Variants in ERBIN observed in about 807,000 individuals in gnomAD.
ERBIN encodes densin-180-like protein.
ERBIN carries 60 observed loss-of-function variants against 158.4 expected under a neutral mutation model. That is an observed-to-expected ratio of 0.38 (90% confidence interval 0.31 to 0.47). ERBIN has a LOEUF of 0.47. Ranked by LOEUF, ERBIN falls within the 20% of genes least tolerant of loss-of-function variation. ERBIN has a pLI of 0.99. For synonymous variants in ERBIN, 594 were observed against 557.2 expected, an observed-to-expected ratio of 1.07 and a Z score of -0.93; for missense variants, 1,610 against 1,648.0, an observed-to-expected ratio of 0.98 and a Z score of 0.40.
chr5:66,020,161 G>T (rs1167577351), intron 7 of ERBIN, among the ~76,000 whole-genome samples: 7 of 151,904 alleles, frequency 4.6e-5, no homozygotes, highest in African/African-American at 1.7e-4. Flanking sequence ...ATTATGAGAT[G>T]AATTGAAGAG....
At chr5:65,980,524 A>G (rs1332830004) in intron 1 of ERBIN, among the ~76,000 whole-genome samples, 1 of 152,250 alleles carries the variant, frequency 6.6e-6, no homozygotes, top group Non-Finnish European at 1.5e-5. Flanking sequence ...TAAGCCCACC[A>G]TTAAAACAGA....
chr5:66,000,180 A>G (rs1237489296), intron 4 of ERBIN, among the ~76,000 whole-genome samples: 1 of 151,880 alleles, frequency 6.6e-6, no homozygotes, highest in Non-Finnish European at 1.5e-5. Flanking sequence ...CTGAAATTGT[A>G]TGTATTGGGT....
At chr5:65,994,359 T>C (rs556545871) in intron 3 of ERBIN, among the ~76,000 whole-genome samples, 1 of 152,324 alleles carries the variant, frequency 6.6e-6, no homozygotes, top group East Asian at 1.9e-4. Flanking sequence ...TTATGTCTTA[T>C]CACACCTAAC....
rs762111603 is a variant in ERBIN at position 65,980,736 on chromosome 5, CGTAAT to C, written c.-57-7896_-57-7892del. On this transcript the variant is annotated intron_variant, in intron 1 of 25. Transcript: ENST00000284037. ...ATTACTAGCGGGAAAAAAAAAACCT[CGTAAT>C]GTGAGAAGGATCCATTCACCAAGAA... is the stretch of plus-strand genomic sequence containing the variant. Among the ~76,000 whole-genome samples, 575 of 151,874 alleles carry C rather than the reference CGTAAT, an allele frequency of 3.8e-3. 2 individuals are homozygous for C. Among genetic ancestry groups the C allele is most frequent in the African/African-American group, 0.011 (461 of 41,380 alleles).
At chr5:65,995,896 A>AT (rs1328406666) in intron 4 of ERBIN, among the ~76,000 whole-genome samples, 1 of 151,956 alleles carries the variant, frequency 6.6e-6, no homozygotes, top group African/African-American at 2.4e-5. Flanking sequence ...CCTGTTGGTG[A>AT]TTTGTGTGTG....
intron 1 of ERBIN, among the ~76,000 whole-genome samples, chr5:65,974,182 A>G (rs972034554): frequency 2.0e-5 from 3 of 151,898 alleles, no homozygotes; most frequent in African/African-American, 7.3e-5. Context: ...ACAAAAATCC[A>G]TATGTATATA....
intron 1 of ERBIN, among the ~76,000 whole-genome samples, chr5:65,930,724 C>T (rs761154284): frequency 6.6e-6 from 1 of 152,154 alleles, no homozygotes; most frequent in Non-Finnish European, 1.5e-5. Flanking sequence ...GACTTTGTAA[C>T]CCTCTCTACC....
chr5:66,066,450 AT>A (rs1166783012), intron 21 of ERBIN, among the ~76,000 whole-genome samples: 1 of 152,046 alleles, frequency 6.6e-6, no homozygotes, highest in Non-Finnish European at 1.5e-5. Flanking sequence ...GTTAGTAGTA[AT>A]AATCTATTGA....
At chr5:66,009,039 T>C (rs1753916869) in intron 4 of ERBIN, among the ~76,000 whole-genome samples, 1 of 152,198 alleles carries the variant, frequency 6.6e-6, no homozygotes, top group South Asian at 2.1e-4. Context: ...TTTTTCACAG[T>C]AATTCAAAAC....
chr5:66,049,301 T>C (rs1261927432), intron 19 of ERBIN, among the ~76,000 whole-genome samples: 5 of 152,064 alleles, frequency 3.3e-5, no homozygotes, highest in African/African-American at 1.2e-4. Context: ...AGGATATGTA[T>C]CCTTTCCCTC....
intron 21 of ERBIN, among the ~76,000 whole-genome samples, chr5:66,062,592 C>T (rs1311226835): frequency 2.6e-5 from 4 of 152,204 alleles, no homozygotes; most frequent in Admixed American, 6.5e-5. Flanking sequence ...TGAGGAGCTG[C>T]GTTCCTCTGG....
At position 66,080,935 on chromosome 5, in the gene ERBIN, A is replaced by G. The variant is rs1649005704; in HGVS notation, c.*2405A>G. ...CAAGTTTTCTTTGAAAGTATTGGAAAACTAAAATTAAATGACAAGGACTTT... is the reference window on the plus strand; with the variant it reads ...CAAGTTTTCTTTGAAAGTATTGGAAGACTAAAATTAAATGACAAGGACTTT... On this transcript the variant is annotated 3_prime_UTR_variant, in exon 26 of 26. Transcript: ENST00000284037. The G allele has an allele frequency of 6.6e-6, 1 of 152,066 alleles. No homozygotes were observed. Among genetic ancestry groups the G allele is most frequent in the Non-Finnish European group, 1.5e-5 (1 of 67,886 alleles). 9.4% of individuals were successfully genotyped at this position (152,066 alleles called of 1,614,324 possible).
In ERBIN at chr5:65,926,689, A is replaced by C. The variant is rs141690267; in HGVS notation, c.-175A>C. ...CTCTTCTTCTGTGGGAGGCCAGTCC[A>C]CATCCGCTCTCACCCGAGAGAGATA... On this transcript the variant is annotated 5_prime_UTR_variant, in exon 1 of 26. Coordinates refer to ENST00000284037, the MANE Select transcript of ERBIN (RefSeq NM_001253697.2). The C allele has an allele frequency of 0.015, 2,314 of 151,870 alleles. 28 individuals carry two copies. The highest frequency in any genetic ancestry group is 0.022 in the Non-Finnish European group (1,525 of 67,938). 9.4% of individuals were successfully genotyped at this position (151,870 alleles called of 1,614,324 possible).
intron 6 of ERBIN, among the ~76,000 whole-genome samples, chr5:66,013,967 C>T (rs185006943): frequency 1.3e-5 from 2 of 152,058 alleles, no homozygotes; most frequent in African/African-American, 4.8e-5. Context: ...TCTGTCTTCT[C>T]CCCTGGAATC....
At chr5:65,944,204 A>ATTT (rs778282107) in intron 1 of ERBIN, among the ~76,000 whole-genome samples, 1 of 81,702 alleles carries the variant, frequency 1.2e-5, no homozygotes, top group Admixed American at 1.3e-4. Flanking sequence ...TGTGTTTAGT[A>ATTT]TTTTTTTTTT....
chr5:65,936,513 A>G (rs1355631478), intron 1 of ERBIN, among the ~76,000 whole-genome samples: 1 of 152,172 alleles, frequency 6.6e-6, no homozygotes, highest in African/African-American at 2.4e-5. Context: ...GATACCTGGT[A>G]TCAACAGAGG....
intron 1 of ERBIN, chr5:65,984,698 A>G (rs1751028560): frequency 6.6e-6 from 1 of 152,392 alleles, no homozygotes; most frequent in South Asian, 2.1e-4. Flanking sequence ...CAGTAAGTCC[A>G]TCTGCACAGT....
At chr5:66,045,409 T>C (rs1350723217) in intron 17 of ERBIN, among the ~76,000 whole-genome samples, 6 of 146,832 alleles carry the variant, frequency 4.1e-5, no homozygotes, top group Non-Finnish European at 8.8e-5. Flanking sequence ...ATATTACATA[T>C]AGCCTATATG....
intron 4 of ERBIN, among the ~76,000 whole-genome samples, chr5:65,999,047 A>G (rs1752748651): frequency 6.6e-6 from 1 of 152,084 alleles, no homozygotes; most frequent in Non-Finnish European, 1.5e-5. Flanking sequence ...GTTCAGGAAA[A>G]AGATATATGC....
Sources: allele counts gnomAD v4.1 joint callset (sites outside exome capture counted in the v4.1 genomes callset), GRCh38; gene constraint gnomAD v4.1.1; transcripts MANE v1.5; gene names NCBI Gene and HGNC (gene_info 2026-07-23, HGNC 2026-07-21).